The following LNX1 variants were observed in gnomAD, a reference collection of about 807,000 sequenced individuals.
LNX1 encodes ligand of numb-protein X 1, also known as E3 ubiquitin-protein ligase LNX.
Under a neutral mutation model 68.4 loss-of-function variants are expected in LNX1, and 54 were observed. The observed-to-expected ratio is 0.79, with a 90% CI of 0.63 to 0.99. The LOEUF (loss-of-function observed/expected upper bound fraction) is 0.99. LNX1 is among the 50% of genes least tolerant of loss of function. The pLI is 0.00. For missense variants in LNX1, 906 were observed against 926.4 expected (o/e 0.98, Z 0.29); for synonymous variants, 336 against 350.0 (o/e 0.96, Z 0.45).
At chr4:53,635,975 A>C (rs1350320153) in intron 1 of LNX1, among the ~76,000 whole-genome samples, 2 of 152,188 alleles carry the variant, frequency 1.3e-5, no homozygotes, top group Non-Finnish European at 2.9e-5. Context: ...TAGAAGCATT[A>C]GGCTCCACTT....
At chr4:53,564,778 TGGGTGCGCGCACCCTGCGCCAGC>T (rs1730531134) in intron 2 of LNX1, among the ~76,000 whole-genome samples, 1 of 152,110 alleles carries the variant, frequency 6.6e-6, no homozygotes, top group Admixed American at 6.5e-5. Context: ...CGCAGGTCAG[TGGGTGCGCGCACCCTGCGCCAGC>T]CGAAGCAGGG....
intron 2 of LNX1, among the ~76,000 whole-genome samples, chr4:53,568,243 C>T (rs12648881): frequency 0.18 from 27,313 of 151,224 alleles, 2,592 homozygotes; most frequent in Admixed American, 0.23. Context: ...TGCAAAAATC[C>T]TCAATAAAAT....
chr4:53,552,690 G>A (rs188797809), intron 2 of LNX1, among the ~76,000 whole-genome samples: 77 of 152,128 alleles, frequency 5.1e-4, no homozygotes, highest in Non-Finnish European at 1.0e-3. Context: ...TTAGCCAGAC[G>A]TAGTGGCAGG....
rs747947624 is a variant in LNX1, at chr4:53,573,905, T to C, written c.98A>G (p.Glu33Gly). The change falls in exon 2 of 11, where the codon GAG becomes GGG. Residue 33 changes from glutamate to glycine, a missense_variant. Coordinates refer to ENST00000263925, the MANE Select transcript of LNX1 (RefSeq NM_001126328.3). ...GCAGATGAGGTCATCATCCACTTCC[T>C]CTGGATAGCTGTAGAAGTGGTTTTC... Reference protein sequence around the residue: ...LEENHFYSYPEEVDDDLICHI... With the variant: ...LEENHFYSYPGEVDDDLICHI... 8 of 1,613,740 alleles carry C rather than the reference T, an allele frequency of 5.0e-6. No individual in the cohort carries two copies. Among genetic ancestry groups the C allele is most frequent in the Non-Finnish European group, 6.8e-6 (8 of 1,179,824 alleles).
Position 53,498,633 on chromosome 4 carries a change from G to A in LNX1, c.978+8C>T. ...CCCTTGCTGCAGCCCCACAGCCACA[G>A]TCTCTACCTTTAGAATGATGTCTCC... On this transcript the variant is annotated splice_region_variant and intron_variant, in intron 5 of 10. Transcript: ENST00000263925. 6.2e-7 allele frequency: 1 copy of A among 1,611,364 alleles called. No homozygotes were observed. Among genetic ancestry groups the A allele is most frequent in the South Asian group, 1.1e-5 (1 of 91,042 alleles).
chr4:53,467,971 A>G (rs536349457), intron 9 of LNX1, among the ~76,000 whole-genome samples: 20 of 152,318 alleles, frequency 1.3e-4, no homozygotes, highest in South Asian at 4.1e-4. Context: ...CCAACATTCA[A>G]ATTCAGGAAA....
At chr4:53,579,226 T>A (rs1295664671) in intron 1 of LNX1, 4 of 977,638 alleles carry the variant, frequency 4.1e-6, no homozygotes, top group Non-Finnish European at 4.9e-6. Flanking sequence ...GAAAGAGTAG[T>A]GGAGTGGATT....
upstream of LNX1, among the ~76,000 whole-genome samples, chr4:53,619,294 A>G (rs1733784588): frequency 6.6e-6 from 1 of 152,206 alleles, no homozygotes; most frequent in African/African-American, 2.4e-5. Context: ...TCATTTCAGA[A>G]CACTTTCATT....
intron 2 of LNX1, among the ~76,000 whole-genome samples, chr4:53,609,881 T>C (rs1433851357): frequency 5.3e-5 from 8 of 149,598 alleles, no homozygotes; most frequent in Non-Finnish European, 5.9e-5. Context: ...TATATAACTA[T>C]ATAGCATATA....
intron 1 of LNX1, among the ~76,000 whole-genome samples, chr4:53,632,511 T>A (rs1164356653): frequency 6.6e-6 from 1 of 152,228 alleles, no homozygotes; most frequent in African/African-American, 2.4e-5. Flanking sequence ...GGTACAAAAG[T>A]CCAGCTCCTT....
chr4:53,638,924 T>C (rs1024140366), intron 1 of LNX1, among the ~76,000 whole-genome samples: 1 of 152,224 alleles, frequency 6.6e-6, no homozygotes, highest in Admixed American at 6.5e-5. Flanking sequence ...GAAAGCAGTT[T>C]GGAGATTTCT....
intron 6 of LNX1, among the ~76,000 whole-genome samples, chr4:53,492,506 TGAGAGAGAGAGA>T (rs58715153): frequency 4.5e-5 from 4 of 88,940 alleles, no homozygotes; most frequent in South Asian, 4.1e-4. Flanking sequence ...CAGAGGGCTC[TGAGAGAGAGAGA>T]GAGAGAGAGA....
At chr4:53,492,310 A>C (rs1443456007) in intron 6 of LNX1, among the ~76,000 whole-genome samples, 1 of 152,176 alleles carries the variant, frequency 6.6e-6, no homozygotes, top group Non-Finnish European at 1.5e-5. Flanking sequence ...CAAGAATGCC[A>C]GGCCTGAGGC....
chr4:53,626,314 GGT>G (rs1734073554), intron 1 of LNX1, among the ~76,000 whole-genome samples: 1 of 152,152 alleles, frequency 6.6e-6, no homozygotes, highest in African/African-American at 2.4e-5. Flanking sequence ...GAAATTTAAT[GGT>G]GGTGATGGTT....
chr4:53,611,020 T>A lies in LNX1; in HGVS notation c.-215+5497A>T, dbSNP rs554672713. ...ATATGAAACTTGATGGTAGCAAATT[T>A]TAAAACTGGAATAAACATTGGGGAA... is the stretch of plus-strand genomic sequence containing the variant. On this transcript the variant is annotated intron_variant, in intron 2 of 3. Coordinates refer to the LNX1 transcript ENST00000504299. Among the ~76,000 whole-genome samples the A allele has an allele frequency of 3.3e-5, 5 of 152,106 alleles. No homozygotes were observed. In the South Asian group the frequency reaches 1.0e-3, roughly 32 times the overall value.
chr4:53,577,081 T>C (rs538226386), intron 1 of LNX1, among the ~76,000 whole-genome samples: 1 of 152,322 alleles, frequency 6.6e-6, no homozygotes, highest in East Asian at 1.9e-4. Flanking sequence ...GGTAAAGTTG[T>C]TTCAAGGAAA....
At chr4:53,539,124 G>T (rs527373825) in intron 2 of LNX1, 2 of 152,134 alleles carry the variant, frequency 1.3e-5, no homozygotes, top group Non-Finnish European at 2.9e-5. Flanking sequence ...CAGATCAGCC[G>T]TGTAATCACC....
At chr4:53,567,785 T>C (rs1167005514) in intron 2 of LNX1, among the ~76,000 whole-genome samples, 1 of 151,762 alleles carries the variant, frequency 6.6e-6, no homozygotes, top group African/African-American at 2.4e-5. Flanking sequence ...AAGAATCAAA[T>C]AGATGCAATA....
At chr4:53,502,157 C>G (rs1725550480) in intron 4 of LNX1, among the ~76,000 whole-genome samples, 1 of 152,120 alleles carries the variant, frequency 6.6e-6, no homozygotes, top group African/African-American at 2.4e-5. Context: ...TTACTATATG[C>G]TGGCATTGAG....
Sources: allele counts gnomAD v4.1 joint callset (sites outside exome capture counted in the v4.1 genomes callset), GRCh38; gene constraint gnomAD v4.1.1; transcripts MANE v1.5; gene names NCBI Gene and HGNC (gene_info 2026-07-23, HGNC 2026-07-21).